The following CACNA2D3 variants were observed in gnomAD, a reference collection of about 807,000 sequenced individuals.
CACNA2D3 encodes voltage-dependent calcium channel subunit alpha-2/delta-3.
CACNA2D3 carries 60 observed loss-of-function variants against 160.6 expected under a neutral mutation model. The ratio of observed to expected loss-of-function variants is 0.37; its 90% CI spans 0.30 to 0.46. The LOEUF (loss-of-function observed/expected upper bound fraction) is 0.46, where lower values mean the gene tolerates loss of function less well. Ranked by LOEUF, CACNA2D3 falls within the 20% of genes least tolerant of loss-of-function variation. CACNA2D3 has a pLI of 1.00. For synonymous variants in CACNA2D3, 558 were observed against 492.9 expected (o/e 1.13, Z -1.75); for missense variants, 1,205 against 1,365.0 (o/e 0.88, Z 1.85).
intron 27 of CACNA2D3, among the ~76,000 whole-genome samples, chr3:54,904,441 C>T (rs933662862): frequency 6.6e-6 from 1 of 152,126 alleles, no homozygotes; most frequent in Non-Finnish European, 1.5e-5. Flanking sequence ...CTTCTAGACC[C>T]TCCCTCTGAC....
intron 2 of CACNA2D3, among the ~76,000 whole-genome samples, chr3:54,129,136 G>A (rs1049465604): frequency 2.6e-5 from 4 of 152,056 alleles, no homozygotes; most frequent in African/African-American, 9.7e-5. Flanking sequence ...AACAGACTCT[G>A]TCTGAAGTGG....
chr3:54,992,485 G>C (rs1702763158), intron 31 of CACNA2D3, among the ~76,000 whole-genome samples: 2 of 152,070 alleles, frequency 1.3e-5, no homozygotes, highest in South Asian at 2.1e-4. Flanking sequence ...TGGCACAAAT[G>C]AATCATATCA....
chr3:54,918,481 C>T (rs757176230), intron 27 of CACNA2D3: 9 of 1,613,406 alleles, frequency 5.6e-6, no homozygotes, highest in East Asian at 2.2e-5. Context: ...GCTGTCAAAT[C>T]GCTCTTTTTC....
chr3:54,678,226 A>G (rs1700277933), intron 11 of CACNA2D3, among the ~76,000 whole-genome samples: 1 of 152,192 alleles, frequency 6.6e-6, no homozygotes, highest in Non-Finnish European at 1.5e-5. Flanking sequence ...AGAGAGAAGT[A>G]GTGGTGTGGT....
chr3:54,751,033 G>A (rs534137429), intron 11 of CACNA2D3, among the ~76,000 whole-genome samples: 16 of 152,266 alleles, frequency 1.1e-4, no homozygotes, highest in African/African-American at 3.9e-4. Flanking sequence ...GCCTCCCAAA[G>A]TACTGGGAGT....
At chr3:55,058,184 C>A (rs1704413080) in intron 35 of CACNA2D3, among the ~76,000 whole-genome samples, 1 of 152,158 alleles carries the variant, frequency 6.6e-6, no homozygotes. Flanking sequence ...TTATTTGGAG[C>A]ATTGATTTCA....
chr3:54,386,615 A>G, intron 3 of CACNA2D3, 100 bp from the exon 4 acceptor site: 1 of 1,086,822 alleles, frequency 9.2e-7, no homozygotes, highest in Admixed American at 2.5e-5. Context: ...CAATGTATGA[A>G]CCACGATATA....
intron 13 of CACNA2D3, among the ~76,000 whole-genome samples, chr3:54,777,898 C>A (rs961380733): frequency 1.3e-5 from 2 of 152,148 alleles, no homozygotes; most frequent in African/African-American, 4.8e-5. Flanking sequence ...TATTTGAAGA[C>A]CCAATTTGAA....
In CACNA2D3 at chr3:54,778,693, C is replaced by T. The variant is rs1020304007; in HGVS notation, c.1380+14342C>T. Among the ~76,000 whole-genome samples, 6 of 152,172 alleles carry T rather than the reference C, an allele frequency of 3.9e-5. 1 individual carries two copies. Among genetic ancestry groups the T allele is most frequent in the South Asian group, 4.2e-4 (2 of 4,818 alleles). On this transcript the variant is annotated intron_variant, in intron 13 of 37. Transcript: ENST00000474759. ...CGCATCCTCAATATATGATCAGGCA[C>T]GTAGTAAGTATATGTATAGAATCAG...
chr3:54,417,356 T>G (rs1398299542), intron 4 of CACNA2D3, among the ~76,000 whole-genome samples: 1 of 152,208 alleles, frequency 6.6e-6, no homozygotes, highest in African/African-American at 2.4e-5. Flanking sequence ...TTGGAGTATT[T>G]TCTTTAGTAG....
chr3:54,928,702 A>G (rs1424181567), intron 27 of CACNA2D3, among the ~76,000 whole-genome samples: 2 of 147,946 alleles, frequency 1.4e-5, no homozygotes, highest in Non-Finnish European at 3.0e-5. Flanking sequence ...CTGCCCCCAC[A>G]CCCCACCCAC....
chr3:54,520,438 AGAACT>A (rs1257806352), intron 5 of CACNA2D3, among the ~76,000 whole-genome samples: 3 of 152,226 alleles, frequency 2.0e-5, no homozygotes, highest in African/African-American at 7.2e-5. Context: ...CTCAAAACCT[AGAACT>A]GACTCAGTCC....
At position 54,237,718 on chromosome 3, in the gene CACNA2D3, T is replaced by G. The variant is rs114345480; in HGVS notation, c.205-82724T>G. On this transcript the variant is annotated intron_variant, in intron 2 of 37. Transcript: ENST00000474759. ...AGATTGAAAATCCAAGTGCTTCTGT[T>G]GTCAGCATGGGCTGCACCTAAGCAT... Among the ~76,000 whole-genome samples, 1,182 of 152,326 alleles carry G rather than the reference T, an allele frequency of 7.8e-3. 9 individuals are homozygous for G. The highest frequency in any genetic ancestry group is 9.6e-3 in the Non-Finnish European group (656 of 68,018).
intron 3 of CACNA2D3, among the ~76,000 whole-genome samples, chr3:54,354,489 T>G (rs1698615612): frequency 6.6e-6 from 1 of 152,088 alleles, no homozygotes. Context: ...AGTGCTGTGG[T>G]GAGCTGCAAG....
At chr3:54,968,645 A>C in intron 28 of CACNA2D3, 134 bp downstream of exon 28, 1 of 656,186 alleles carries the variant, frequency 1.5e-6, no homozygotes, top group Non-Finnish European at 2.7e-6. Flanking sequence ...TGCTCAGATT[A>C]CCTTTCATTT....
Position 55,017,648 on chromosome 3 carries a change from CTATGTGCTCATCCACA to C in CACNA2D3, c.2876-555_2876-540del, listed in dbSNP as rs1305784376. The stretch of plus-strand genomic sequence containing the variant: ...CTGCCAAGCCTCTACCGAGTGCCTA[CTATGTGCTCATCCACA>C]TACCAGGGTTATTTAGTGCTTTAAA... On this transcript the variant is annotated intron_variant, in intron 34 of 37. Transcript: ENST00000474759. Among the ~76,000 whole-genome samples, 3 of 152,292 alleles carry C rather than the reference CTATGTGCTCATCCACA, an allele frequency of 2.0e-5. No homozygotes were observed. The East Asian group carries it at 5.8e-4, about 29-fold the overall frequency.
intron 5 of CACNA2D3, among the ~76,000 whole-genome samples, chr3:54,539,756 T>C (rs1486491614): frequency 6.6e-6 from 1 of 152,144 alleles, no homozygotes; most frequent in Non-Finnish European, 1.5e-5. Context: ...TGTGAGGGGC[T>C]CCTCTGCTTG....
chr3:54,736,016 T>TACACACACACACACAC (rs1283143287), intron 11 of CACNA2D3, among the ~76,000 whole-genome samples: 3 of 86,676 alleles, frequency 3.5e-5, no homozygotes, highest in South Asian at 3.0e-4. Context: ...TGTATATATA[T>TACACACACACACACAC]ACACATACAT....
intron 11 of CACNA2D3, among the ~76,000 whole-genome samples, chr3:54,732,536 C>T (rs929502279): frequency 5.3e-5 from 8 of 152,120 alleles, no homozygotes; most frequent in African/African-American, 1.9e-4. Context: ...AAAATCTCTT[C>T]GTGTCTGGAA....
Sources: gnomAD v4.1 joint callset for allele counts (sites outside exome capture counted in the v4.1 genomes callset) on GRCh38, gnomAD v4.1.1 for gene constraint, MANE v1.5 for transcripts, NCBI Gene and HGNC (gene_info 2026-07-23, HGNC 2026-07-21) for gene names.